SEL1L: variants seen among roughly 807,000 people sequenced by gnomAD.
The protein encoded by SEL1L is protein sel-1 homolog 1.
SEL1L carries 52 observed loss-of-function variants against 109.8 expected under a neutral mutation model. That is an observed-to-expected ratio of 0.47 (90% CI 0.38 to 0.60). The LOEUF is 0.60. SEL1L is among the 20% of genes least tolerant of loss of function. The pLI is 0.00. For missense variants in SEL1L, 749 were observed against 962.2 expected, an observed-to-expected ratio of 0.78 and a Z score of 2.93; for synonymous variants, 373 against 339.6, an observed-to-expected ratio of 1.10 and a Z score of -1.08.
intron 16 of SEL1L, 126 bp downstream of exon 16, chr14:81,487,264 T>A (rs1031201046): frequency 8.1e-6 from 7 of 862,744 alleles, no homozygotes; most frequent in Non-Finnish European, 1.2e-5. Flanking sequence ...CCTCAGTATA[T>A]CAAAGCTAGG....
In SEL1L at chr14:81,531,061, G is replaced by A. The variant is rs147988443; in HGVS notation, c.70+2614C>T. Among the ~76,000 whole-genome samples the A allele has an allele frequency of 2.9e-3, 440 of 152,324 alleles. 2 individuals are homozygous for A. Among genetic ancestry groups the A allele is most frequent in the Non-Finnish European group, 4.1e-3 (276 of 68,024 alleles). The stretch of plus-strand genomic sequence containing the variant: ...ATTAAGAGTTGCTGTGGGTGAGTGA[G>A]TGAGTGAATGTGAAGCCTAGGATGT... On this transcript the variant is annotated intron_variant, in intron 1 of 20. Transcript: ENST00000336735.
Position 81,506,192 on chromosome 14 carries a change from A to T in SEL1L, c.390T>A (p.Pro130=), listed in dbSNP as rs568524190. 7 of 1,613,414 alleles carry T rather than the reference A, an allele frequency of 4.3e-6. No individual in the cohort carries two copies. In the African/African-American group the frequency reaches 9.3e-5, roughly 22 times the overall value. Residue 130 remains proline, a synonymous_variant, in exon 4 of 21, where the codon CCT becomes CCA. Coordinates refer to ENST00000336735, the MANE Select transcript of SEL1L (RefSeq NM_005065.6). ...GTAHGEPCHF[P]FLFLDKEYDE... The stretch of plus-strand genomic sequence containing the variant: ...CATACTCCTTATCTAGGAAAAGAAA[A>T]GGGAAGTGGCAGGGCTCCCCATGTG...
chr14:81,517,517 C>A (rs1884747511), intron 3 of SEL1L, among the ~76,000 whole-genome samples: 1 of 152,062 alleles, frequency 6.6e-6, no homozygotes, highest in Non-Finnish European at 1.5e-5. Context: ...GCTGCTCTTG[C>A]TACAATATCC....
At chr14:81,483,884 T>C (rs1008965791) in intron 19 of SEL1L, among the ~76,000 whole-genome samples, 3 of 152,218 alleles carry the variant, frequency 2.0e-5, no homozygotes, top group African/African-American at 7.2e-5. Flanking sequence ...GTAGAATACA[T>C]TTAATTCATT....
intron 5 of SEL1L, 108 bp from the exon 6 acceptor site, chr14:81,502,991 C>G: frequency 1.2e-6 from 1 of 860,812 alleles, no homozygotes; most frequent in South Asian, 2.0e-5. Flanking sequence ...TGTTACAAAA[C>G]CCCTTTGATA....
At chr14:81,500,763 A>G (rs982924257) in intron 6 of SEL1L, among the ~76,000 whole-genome samples, 1 of 148,718 alleles carries the variant, frequency 6.7e-6, no homozygotes, top group Non-Finnish European at 1.5e-5. Context: ...CAGATATAAA[A>G]AGGAGGAGCA....
chr14:81,491,460 G>A (rs1001806432), intron 12 of SEL1L, among the ~76,000 whole-genome samples: 19 of 152,110 alleles, frequency 1.2e-4, no homozygotes, highest in African/African-American at 1.7e-4. Context: ...GGAATGAAAC[G>A]TTCTTAAATG....
intron 12 of SEL1L, among the ~76,000 whole-genome samples, 164 bp from the exon 13 acceptor site, chr14:81,490,629 A>T (rs1194735673): frequency 6.6e-6 from 1 of 152,356 alleles, no homozygotes; most frequent in East Asian, 1.9e-4. Flanking sequence ...GGCCGGGTAC[A>T]GTGGCTCATG....
intron 3 of SEL1L, among the ~76,000 whole-genome samples, chr14:81,515,565 C>T (rs887621835): frequency 3.9e-5 from 6 of 152,162 alleles, no homozygotes; most frequent in Non-Finnish European, 5.9e-5. Context: ...GAGTCATAAA[C>T]ATCTGCTGAC....
intron 19 of SEL1L, among the ~76,000 whole-genome samples, chr14:81,483,142 T>G (rs1213126446): frequency 1.3e-5 from 2 of 152,252 alleles, no homozygotes; most frequent in Non-Finnish European, 2.9e-5. Context: ...TAAGTGACCA[T>G]GCTATAGTGA....
At chr14:81,512,083 G>A (rs1169007608) in intron 3 of SEL1L, among the ~76,000 whole-genome samples, 1 of 152,146 alleles carries the variant, frequency 6.6e-6, no homozygotes, top group East Asian at 1.9e-4. Flanking sequence ...ACCTGGCTGG[G>A]CCATAGTGCC....
chr14:81,471,963 G>A lies in SEL1L; in HGVS notation c.*5009C>T, dbSNP rs147899140. The A allele has an allele frequency of 9.5e-4, 144 of 152,092 alleles. No individual in the cohort carries two copies. The highest frequency in any genetic ancestry group is 3.3e-3 in the African/African-American group (135 of 41,458). The allele number at this position is 152,092 out of a possible 1,614,324, so 9.4% of individuals were successfully genotyped here. On this transcript the variant is annotated 3_prime_UTR_variant, in exon 21 of 21. Coordinates refer to ENST00000336735, the MANE Select transcript of SEL1L (RefSeq NM_005065.6). ...GTAAAAACTTTCCTTTTTATTTTTC[G>A]TAGTTTCTACTACAGAAATTCTGAT...
rs746143914 is a variant in SEL1L at position 81,486,464 on chromosome 14, G to A, written c.1633-10C>T. The stretch of plus-strand genomic sequence containing the variant: ...ATACATTCTTAAACAACTGTGTGAG[G>A]TGGGGAAAAAAAATATCAGTAGAAG... On this transcript the variant is annotated splice_polypyrimidine_tract_variant and intron_variant, in intron 16 of 20. Coordinates refer to ENST00000336735, the MANE Select transcript of SEL1L (RefSeq NM_005065.6). The A allele has an allele frequency of 2.5e-6, 4 of 1,608,582 alleles. No homozygotes were observed. The highest frequency in any genetic ancestry group is 1.7e-5 in the Admixed American group (1 of 59,046).
rs766018835 is a variant in SEL1L at position 81,484,283 on chromosome 14, C to G, written c.1988G>C (p.Ser663Thr). 6.2e-7 allele frequency: 1 copy of G among 1,614,156 alleles called. No individual in the cohort carries two copies. The highest frequency in any genetic ancestry group is 1.1e-5 in the South Asian group (1 of 91,088). ...TCCCAGATTAAACATAGCTTGTGCACTGTGTTGCTGCTCAGAAGCCAGACG... is the reference window on the plus strand; with the variant it reads ...TCCCAGATTAAACATAGCTTGTGCAGTGTGTTGCTGCTCAGAAGCCAGACG... ...HYRLASEQQH[S>T]AQAMFNLGYM... Residue 663 changes from serine to threonine, a missense_variant, in exon 19 of 21, where the codon AGT becomes ACT. By Grantham distance (58) the Ser-to-Thr change is moderately conservative (BLOSUM62 1). Around this residue, in one of 2 missense-constraint regions of SEL1L, gnomAD observed 383 missense variants for 562.5 expected, o/e 0.68. Transcript: ENST00000336735.
chr14:81,501,382 C>T (rs1884000231), intron 6 of SEL1L, among the ~76,000 whole-genome samples: 2 of 151,932 alleles, frequency 1.3e-5, no homozygotes, highest in African/African-American at 4.8e-5. Flanking sequence ...GGAACTGATG[C>T]CTTATAAAGT....
In SEL1L at chr14:81,518,412, C is replaced by A. The variant is rs184738656; in HGVS notation, c.340+8321G>T. On this transcript the variant is annotated intron_variant, in intron 3 of 20. Transcript: ENST00000336735. ...CGGTGGCTCACTCCTGTAATCCCAG[C>A]ACTTTGGGAGGCCGAGGTGGGTGGA... Among the ~76,000 whole-genome samples the A allele has an allele frequency of 4.1e-3, 628 of 151,638 alleles. 4 individuals are homozygous for A. Among genetic ancestry groups the A allele is most frequent in the African/African-American group, 0.015 (603 of 41,386 alleles).
intron 3 of SEL1L, among the ~76,000 whole-genome samples, chr14:81,526,511 C>T (rs1885120017): frequency 6.6e-6 from 1 of 152,124 alleles, no homozygotes; most frequent in Non-Finnish European, 1.5e-5. Flanking sequence ...AAGATAAATG[C>T]AATCTCATCT....
Position 81,499,518 on chromosome 14 carries a change from C to G in SEL1L, c.832G>C (p.Ala278Pro), listed in dbSNP as rs1883913241. 5 of 1,610,790 alleles carry G rather than the reference C, an allele frequency of 3.1e-6. No homozygotes were observed. Among genetic ancestry groups the G allele is most frequent in the Non-Finnish European group, 3.4e-6 (4 of 1,179,056 alleles). ...GCTCCAAATGTATAATATACAAGAGCCTGTGAAAGAACAAAACATGTTTAA... is the reference window on the plus strand; with the variant it reads ...GCTCCAAATGTATAATATACAAGAGGCTGTGAAAGAACAAAACATGTTTAA... Reference protein sequence around the residue: ...GLGVNSSQAKALVYYTFGALG... With the variant: ...GLGVNSSQAKPLVYYTFGALG... Residue 278 changes from alanine (A) to proline (P), a missense_variant and splice_region_variant, in exon 8 of 21, where the codon GCT becomes CCT. Physicochemically the swap from Ala to Pro is conservative, Grantham distance 27. This residue lies in a region of SEL1L where 366 missense variants were observed against 399.8 expected (regional missense o/e 0.92). Transcript: ENST00000336735.
intron 3 of SEL1L, among the ~76,000 whole-genome samples, chr14:81,521,794 TA>T (rs148829075): frequency 4.0e-5 from 6 of 149,690 alleles, no homozygotes; most frequent in Admixed American, 6.7e-5. Context: ...TCCTACTTAT[TA>T]AAAAAAAAAG....
Sources: allele counts gnomAD v4.1 joint callset (sites outside exome capture counted in the v4.1 genomes callset), GRCh38; gene constraint gnomAD v4.1.1; regional missense constraint gnomAD v4.1.1; transcripts MANE v1.5; gene names NCBI Gene and HGNC (gene_info 2026-07-23, HGNC 2026-07-21).